Variants in VIPR2 observed in about 807,000 individuals in gnomAD.
VIPR2 encodes the protein vasoactive intestinal polypeptide receptor 2.
Under a neutral mutation model 58.0 loss-of-function variants are expected in VIPR2, and 48 were observed. That is an observed-to-expected ratio of 0.83 (90% CI 0.66 to 1.05). The LOEUF (loss-of-function observed/expected upper bound fraction) is 1.05. Ranked by LOEUF, VIPR2 falls within the 50% of genes least tolerant of loss-of-function variation. The pLI, the probability that VIPR2 is intolerant of heterozygous loss-of-function variation, is 0.00. For missense variants in VIPR2, 534 were observed against 558.0 expected (o/e 0.96, Z 0.43); for synonymous variants, 243 against 235.2 (o/e 1.03, Z -0.30).
chr7:159,034,467 G>T (rs1853795452), intron 9 of VIPR2, 114 bp downstream of exon 9: 6 of 1,324,346 alleles, frequency 4.5e-6, no homozygotes, highest in Non-Finnish European at 6.5e-6. Flanking sequence ...TTTCCGGGAA[G>T]GCTGAGTGAT....
chr7:159,085,921 T>C (rs1405953401), intron 4 of VIPR2, among the ~76,000 whole-genome samples: 4 of 152,174 alleles, frequency 2.6e-5, no homozygotes, highest in Non-Finnish European at 5.9e-5. Flanking sequence ...GATGCTGTGA[T>C]GGCGGGTCCT....
rs114568014 is a variant in VIPR2, at chr7:159,094,441, T to C, written c.357+9316A>G. Among the ~76,000 whole-genome samples, 656 of 152,338 alleles carry C rather than the reference T, an allele frequency of 4.3e-3. 3 individuals are homozygous for C. The highest frequency in any genetic ancestry group is 0.015 in the African/African-American group (630 of 41,576). ...GAGCCCCTGACCCGTCAGCCAGGGC[T>C]GGCACTCAGGAACCAGAGCTGCTGG... On this transcript the variant is annotated intron_variant, in intron 4 of 12. Transcript: ENST00000262178.
chr7:159,124,733 C>T (rs941943002), intron 2 of VIPR2, among the ~76,000 whole-genome samples: 1 of 152,132 alleles, frequency 6.6e-6, no homozygotes, highest in Non-Finnish European at 1.5e-5. Flanking sequence ...GGCAGTATGG[C>T]CATTTTAATG....
Position 159,105,206 on chromosome 7 carries a change from C to T in VIPR2, c.260-1352G>A, listed in dbSNP as rs373880314. The stretch of plus-strand genomic sequence containing the variant: ...ATAAAACCAGGCACTGAACGCCGTG[C>T]CAGCCTTGCCCCGAGCATGGCTGCA... On this transcript the variant is annotated intron_variant, in intron 3 of 12. Transcript: ENST00000262178. 9.7e-4 allele frequency among the ~76,000 whole-genome samples: 148 copies of T among 152,290 alleles called. 5 individuals carry two copies. The South Asian group carries it at 0.029, about 30-fold the overall frequency.
At chr7:159,030,934 G>A in intron 12 of VIPR2, 145 bp from the exon 13 acceptor site, 1 of 1,147,110 alleles carries the variant, frequency 8.7e-7, no homozygotes, top group South Asian at 1.7e-5. Context: ...AACAGAAACG[G>A]CCTTGGGGGC....
intron 4 of VIPR2, chr7:159,059,240 C>G (rs899015226): frequency 2.1e-6 from 1 of 470,948 alleles, no homozygotes; most frequent in Admixed American, 2.3e-5. Flanking sequence ...ACTGGGTCCT[C>G]TAGAAGGAAA....
intron 2 of VIPR2, among the ~76,000 whole-genome samples, chr7:159,140,611 A>T (rs1797425257): frequency 6.6e-6 from 1 of 152,218 alleles, no homozygotes. Context: ...CTTCAATATG[A>T]GATGTCCAGG....
intron 4 of VIPR2, among the ~76,000 whole-genome samples, chr7:159,101,504 C>A (rs576039411): frequency 1.3e-4 from 17 of 134,688 alleles, no homozygotes; most frequent in African/African-American, 4.8e-4. Context: ...CCGACCGTTC[C>A]TGTGGTAGTG....
At chr7:159,135,031 A>C (rs13236306) in intron 2 of VIPR2, among the ~76,000 whole-genome samples, 1 of 105,314 alleles carries the variant, frequency 9.5e-6, no homozygotes, top group African/African-American at 4.3e-5. Flanking sequence ...TTTTTTTTTT[A>C]ACATTTTAAG....
rs1853431941 is a variant in VIPR2 at position 159,029,824 on chromosome 7, A to C, written c.*792T>G. 1 of 152,442 alleles carries C rather than the reference A, an allele frequency of 6.6e-6. No individual in the cohort carries two copies. Among genetic ancestry groups the C allele is most frequent in the African/African-American group, 2.4e-5 (1 of 41,468 alleles). 9.4% of individuals were successfully genotyped at this position (152,442 alleles called of 1,614,324 possible). A position where few individuals can be genotyped will look rare whatever the true frequency, so the allele number is the denominator to read the frequency against. The stretch of plus-strand genomic sequence containing the variant: ...TGTGGAGTTGGGTGGGGCAGGGCTC[A>C]GCCGGGCCGGGTGGGCGCCCCAAGA... On this transcript the variant is annotated 3_prime_UTR_variant, in exon 13 of 13. Coordinates refer to ENST00000262178, the MANE Select transcript of VIPR2 (RefSeq NM_003382.5).
At chr7:159,113,524 C>A (rs1796121955) in intron 2 of VIPR2, among the ~76,000 whole-genome samples, 1 of 152,130 alleles carries the variant, frequency 6.6e-6, no homozygotes, top group Non-Finnish European at 1.5e-5. Context: ...TTGTCTGCAG[C>A]TCGTCCTGCT....
chr7:159,058,020 A>G (rs536404179), intron 5 of VIPR2, among the ~76,000 whole-genome samples: 1 of 152,316 alleles, frequency 6.6e-6, no homozygotes, highest in East Asian at 1.9e-4. Flanking sequence ...ACATTACAGA[A>G]GCACAGACAA....
intron 4 of VIPR2, among the ~76,000 whole-genome samples, chr7:159,067,167 C>T (rs184071055): frequency 3.4e-4 from 52 of 152,362 alleles, no homozygotes; most frequent in African/African-American, 1.3e-3. Context: ...GTAGACAGTT[C>T]TGTTGGCACA....
At chr7:159,051,800 A>G (rs1855022047) in intron 5 of VIPR2, among the ~76,000 whole-genome samples, 1 of 152,200 alleles carries the variant, frequency 6.6e-6, no homozygotes, top group Non-Finnish European at 1.5e-5. Context: ...GTTTAAACTG[A>G]TATACTCCTA....
At chr7:159,131,572 T>C (rs977424256) in intron 2 of VIPR2, among the ~76,000 whole-genome samples, 5 of 152,242 alleles carry the variant, frequency 3.3e-5, no homozygotes, top group African/African-American at 1.2e-4. Context: ...CACAGGACTT[T>C]GCTGCTTTAA....
In VIPR2 at chr7:159,056,787, A is replaced by G. The variant is rs1039034714; in HGVS notation, c.455+1694T>C. 5.6e-4 allele frequency among the ~76,000 whole-genome samples: 85 copies of G among 152,146 alleles called. 1 individual carries two copies. The highest frequency in any genetic ancestry group is 3.1e-4 in the Non-Finnish European group (21 of 68,032). On this transcript the variant is annotated intron_variant, in intron 5 of 12. Transcript: ENST00000262178. ...GGAGCACGTTATTTTTATAATTCGG[A>G]CTTTAGAATTGACAGACTCTCACAG...
chr7:159,062,356 C>T (rs1855735329), intron 4 of VIPR2, among the ~76,000 whole-genome samples: 1 of 152,134 alleles, frequency 6.6e-6, no homozygotes. Flanking sequence ...CACGGACCCT[C>T]ACAGTGAGTG....
chr7:159,116,976 A>G (rs1796260076), intron 2 of VIPR2: 1 of 251,616 alleles, frequency 4.0e-6, no homozygotes, highest in South Asian at 7.9e-5. Context: ...AATGACATAA[A>G]CATCAATTAA....
chr7:159,050,551 G>A (rs1423054903), intron 5 of VIPR2, among the ~76,000 whole-genome samples: 2 of 151,826 alleles, frequency 1.3e-5, no homozygotes, highest in Non-Finnish European at 1.5e-5. Context: ...GTTAAATAGA[G>A]GGGACTAACA....
Sources: allele counts gnomAD v4.1 joint callset (sites outside exome capture counted in the v4.1 genomes callset), GRCh38; gene constraint gnomAD v4.1.1; transcripts MANE v1.5; gene names NCBI Gene and HGNC (gene_info 2026-07-23, HGNC 2026-07-21).